The following OPRD1 variants were observed in gnomAD, a reference collection of about 807,000 sequenced individuals.
OPRD1 encodes opioid receptor delta 1, also known as delta-type opioid receptor.
In OPRD1, 19 loss-of-function variants were observed where a neutral mutation model predicts 17.5. The observed-to-expected ratio is 1.09, with a 90% CI of 0.76 to 1.60. The LOEUF (loss-of-function observed/expected upper bound fraction) is 1.60. Among genes scored for constraint, OPRD1 ranks in the 40% most tolerant of loss-of-function variants. The probability of loss-of-function intolerance (pLI) is 0.00; values close to 1 mark genes in which losing one functional copy is unlikely to be tolerated. For synonymous variants in OPRD1, 256 were observed against 240.9 expected, an observed-to-expected ratio of 1.06 and a Z score of -0.58; for missense variants, 483 against 547.2, an observed-to-expected ratio of 0.88 and a Z score of 1.17.
At chr1:28,858,868 T>C (rs1352635660) in intron 1 of OPRD1, 86 bp from the exon 2 acceptor site, 1 of 1,317,608 alleles carries the variant, frequency 7.6e-7, no homozygotes, top group Admixed American at 1.7e-5. Flanking sequence ...TTGCATGTCC[T>C]TAGGAAAGCT....
chr1:28,862,591 G>T, intron 2 of OPRD1, 151 bp from the exon 3 acceptor site: 1 of 702,038 alleles, frequency 1.4e-6, no homozygotes, highest in Non-Finnish European at 2.3e-6. Flanking sequence ...AAGCCGAGGA[G>T]GACACTCCAG....
At chr1:28,855,567 C>T (rs1206815251) in intron 1 of OPRD1, among the ~76,000 whole-genome samples, 2 of 151,928 alleles carry the variant, frequency 1.3e-5, no homozygotes, top group East Asian at 3.9e-4. Flanking sequence ...GAGAGGGGGG[C>T]CGTGAGGAGA....
At chr1:28,821,592 G>A (rs1295995102) in intron 1 of OPRD1, among the ~76,000 whole-genome samples, 2 of 152,138 alleles carry the variant, frequency 1.3e-5, no homozygotes, top group African/African-American at 2.4e-5. Flanking sequence ...TGATCGCATT[G>A]CATGTAATAT....
At chr1:28,817,492 A>T (rs1232861395) in intron 1 of OPRD1, among the ~76,000 whole-genome samples, 2 of 152,154 alleles carry the variant, frequency 1.3e-5, no homozygotes, top group African/African-American at 4.8e-5. Flanking sequence ...GTGTCTTCTT[A>T]GCAGAATTTG....
chr1:28,859,670 A>G (rs1444863298), intron 2 of OPRD1, among the ~76,000 whole-genome samples: 1 of 152,106 alleles, frequency 6.6e-6, no homozygotes, highest in African/African-American at 2.4e-5. Context: ...GTATAGAGAG[A>G]TGGTTGGATG....
intron 1 of OPRD1, among the ~76,000 whole-genome samples, chr1:28,825,679 C>T (rs1366267389): frequency 1.3e-5 from 2 of 152,226 alleles, no homozygotes; most frequent in African/African-American, 4.8e-5. Flanking sequence ...CCACAGCGCC[C>T]AGCCCAAGAA....
intron 1 of OPRD1, among the ~76,000 whole-genome samples, chr1:28,830,842 G>C (rs2088802664): frequency 6.6e-6 from 1 of 152,246 alleles, no homozygotes; most frequent in African/African-American, 2.4e-5. Flanking sequence ...GAACAGCAAG[G>C]GCAAAGGTTA....
intron 2 of OPRD1, 142 bp downstream of exon 2, chr1:28,859,445 G>A (rs1401168422): frequency 7.0e-6 from 5 of 715,330 alleles, no homozygotes; most frequent in African/African-American, 1.8e-5. Flanking sequence ...ATCAATGATG[G>A]TGTGGTGGCT....
At chr1:28,843,584 C>A (rs1271023413) in intron 1 of OPRD1, among the ~76,000 whole-genome samples, 1 of 152,176 alleles carries the variant, frequency 6.6e-6, no homozygotes, top group African/African-American at 2.4e-5. Context: ...CCTCAAGGTT[C>A]ATCCTTGTTG....
intron 2 of OPRD1, among the ~76,000 whole-genome samples, chr1:28,861,913 CT>C (rs34765043): frequency 0.055 from 2,899 of 52,818 alleles, 51 homozygotes; most frequent in African/African-American, 0.092. Context: ...CTTTTCTTTT[CT>C]TTTTTTTTTT....
intron 1 of OPRD1, among the ~76,000 whole-genome samples, chr1:28,819,724 T>C (rs2088696667): frequency 6.6e-6 from 1 of 152,126 alleles, no homozygotes; most frequent in Non-Finnish European, 1.5e-5. Context: ...CCAAAATCAC[T>C]CCATGTTTCC....
At chr1:28,846,979 CCTTT>C (rs1414104436) in intron 1 of OPRD1, among the ~76,000 whole-genome samples, 1 of 149,300 alleles carries the variant, frequency 6.7e-6, no homozygotes, top group African/African-American at 2.5e-5. Flanking sequence ...TTCCTTCCTT[CCTTT>C]CTTTACTTTC....
At chr1:28,838,075 TGTCATA>T (rs1465313825) in intron 1 of OPRD1, among the ~76,000 whole-genome samples, 1 of 151,696 alleles carries the variant, frequency 6.6e-6, no homozygotes, top group Non-Finnish European at 1.5e-5. Context: ...TCTCTGTAAA[TGTCATA>T]GTAGCATTCG....
chr1:28,827,667 C>T (rs1365051578), intron 1 of OPRD1, among the ~76,000 whole-genome samples: 4 of 152,166 alleles, frequency 2.6e-5, no homozygotes, highest in Non-Finnish European at 5.9e-5. Context: ...AAGCCTCGAA[C>T]CCCTCAAAGT....
chr1:28,829,864 C>T (rs1459200689), intron 1 of OPRD1, among the ~76,000 whole-genome samples: 3 of 151,998 alleles, frequency 2.0e-5, no homozygotes, highest in Admixed American at 6.6e-5. Flanking sequence ...TGCGCACCAC[C>T]ATACTCAGCT....
At chr1:28,813,640 T>C (rs962495534) in intron 1 of OPRD1, among the ~76,000 whole-genome samples, 1 of 152,174 alleles carries the variant, frequency 6.6e-6, no homozygotes, top group East Asian at 1.9e-4. Context: ...CAGTAAGGGT[T>C]GAGAGGAAAA....
intron 1 of OPRD1, among the ~76,000 whole-genome samples, chr1:28,814,772 G>A (rs1194650355): frequency 6.6e-6 from 1 of 152,200 alleles, no homozygotes; most frequent in Non-Finnish European, 1.5e-5. Flanking sequence ...CCAAGTGTAC[G>A]CAAGCAGCTT....
intron 1 of OPRD1, among the ~76,000 whole-genome samples, chr1:28,826,472 C>T (rs373079052): frequency 9.9e-5 from 15 of 151,656 alleles, no homozygotes; most frequent in East Asian, 5.8e-4. Context: ...ACCGAGATCA[C>T]GCCACTGCAG....
At chr1:28,854,856 TAGTC>T (rs1006832001) in intron 1 of OPRD1, among the ~76,000 whole-genome samples, 4 of 151,944 alleles carry the variant, frequency 2.6e-5, no homozygotes, top group African/African-American at 9.7e-5. Flanking sequence ...TTCACCGTGT[TAGTC>T]AGGCTGGTCT....
Sources: gnomAD v4.1 joint callset for allele counts (sites outside exome capture counted in the v4.1 genomes callset) on GRCh38, gnomAD v4.1.1 for gene constraint, MANE v1.5 for transcripts, NCBI Gene and HGNC (gene_info 2026-07-23, HGNC 2026-07-21) for gene names.